The following LMO7 variants were observed in gnomAD, a reference collection of about 807,000 sequenced individuals.
The protein encoded by LMO7 is LIM domain 7.
A neutral mutation model predicts 206.5 loss-of-function variants in LMO7; 120 were observed. The ratio of observed to expected loss-of-function variants is 0.58; its 90% CI spans 0.50 to 0.68. The LOEUF (loss-of-function observed/expected upper bound fraction) is 0.68, where lower values mean the gene tolerates loss of function less well. Among genes scored for constraint, LMO7 ranks in the 30% least tolerant of loss-of-function variants. LMO7 has a pLI of 0.00. For synonymous variants in LMO7, 706 were observed against 681.5 expected (o/e 1.04, Z -0.56); for missense variants, 1,959 against 1,957.9 (o/e 1.00, Z -0.01).
chr13:75,751,925 A>T (rs1168961001), intron 3 of LMO7, among the ~76,000 whole-genome samples: 1 of 152,046 alleles, frequency 6.6e-6, no homozygotes, highest in African/African-American at 2.4e-5. Flanking sequence ...TATCAAATAT[A>T]TATTTTTTGA....
At chr13:75,700,583 G>A (rs2042221314) in intron 1 of LMO7, among the ~76,000 whole-genome samples, 1 of 152,226 alleles carries the variant, frequency 6.6e-6, no homozygotes, top group Non-Finnish European at 1.5e-5. Flanking sequence ...GTACTTGATA[G>A]CTTCTCTTTG....
chr13:75,729,417 G>C (rs1325181676), intron 3 of LMO7, among the ~76,000 whole-genome samples: 2 of 147,816 alleles, frequency 1.4e-5, no homozygotes, highest in South Asian at 2.2e-4. Context: ...CTCATGATTT[G>C]GCTCTCTGTT....
intron 2 of LMO7, chr13:75,627,338 G>A (rs2034331836): frequency 6.6e-6 from 1 of 152,172 alleles, no homozygotes; most frequent in Admixed American, 6.5e-5. Context: ...TGTGTTGTGA[G>A]GATGTTTAAG....
chr13:75,742,616 A>G (rs2046505353), intron 3 of LMO7, among the ~76,000 whole-genome samples: 1 of 152,008 alleles, frequency 6.6e-6, no homozygotes, highest in African/African-American at 2.4e-5. Flanking sequence ...AAAACAAACA[A>G]TGAGGAAAGG....
intron 1 of LMO7, among the ~76,000 whole-genome samples, chr13:75,695,458 T>A (rs1184975478): frequency 6.6e-6 from 1 of 152,256 alleles, no homozygotes; most frequent in Non-Finnish European, 1.5e-5. Flanking sequence ...GCGATTCTCC[T>A]GTCTCAGCCT....
At chr13:75,838,510 G>A in intron 20 of LMO7, 1 of 379,968 alleles carries the variant, frequency 2.6e-6, no homozygotes, top group Non-Finnish European at 4.4e-6. Flanking sequence ...GTTTCCACTG[G>A]GTAACAGTAA....
intron 1 of LMO7, among the ~76,000 whole-genome samples, chr13:75,710,844 G>A (rs2075062473): frequency 6.6e-6 from 1 of 151,896 alleles, no homozygotes; most frequent in African/African-American, 2.4e-5. Flanking sequence ...TGTTGAATAG[G>A]AGTGGTGAGA....
At chr13:75,654,876 C>CTCTCTTT (rs1555288249) in intron 1 of LMO7, among the ~76,000 whole-genome samples, 207 of 141,172 alleles carry the variant, frequency 1.5e-3, no homozygotes, top group African/African-American at 5.2e-3. Context: ...TCTCTTCTCT[C>CTCTCTTT]TTTTTTTTTT....
At chr13:75,644,869 C>T (rs1001600741) in intron 1 of LMO7, among the ~76,000 whole-genome samples, 1 of 152,160 alleles carries the variant, frequency 6.6e-6, no homozygotes, top group African/African-American at 2.4e-5. Context: ...TGGCTTCAAG[C>T]GATCCTCCCA....
intron 4 of LMO7, among the ~76,000 whole-genome samples, chr13:75,794,966 C>T (rs2053777693): frequency 6.6e-6 from 1 of 152,012 alleles, no homozygotes; most frequent in African/African-American, 2.4e-5. Flanking sequence ...TGCAAAAAAC[C>T]CCTCGCTTTT....
intron 3 of LMO7, among the ~76,000 whole-genome samples, chr13:75,730,498 G>A (rs537687063): frequency 1.3e-3 from 199 of 151,942 alleles, no homozygotes; most frequent in African/African-American, 3.2e-3. Flanking sequence ...TTTTTGTTGC[G>A]TCTATTTGAT....
Position 75,636,508 on chromosome 13 carries a change from G to T in LMO7, c.-150G>T. On this transcript the variant is annotated 5_prime_UTR_variant, in exon 1 of 31. Coordinates refer to ENST00000377534, the MANE Select transcript of LMO7 (RefSeq NM_001306080.2). ...AACGAACTGCAGAGCGCAACAAAGG[G>T]AACTAGAGCCCCGGCGCCTTCGCAG... The T allele has an allele frequency of 6.7e-7, 1 of 1,501,748 alleles. No homozygotes were observed. Among genetic ancestry groups the T allele is most frequent in the Non-Finnish European group, 8.8e-7 (1 of 1,134,270 alleles). The allele number at this position is 1,501,748 out of a possible 1,614,324, so 93.0% of individuals were successfully genotyped here.
chr13:75,635,126 C>G (rs1593938058), upstream of LMO7, among the ~76,000 whole-genome samples: 1 of 152,126 alleles, frequency 6.6e-6, no homozygotes, highest in East Asian at 1.9e-4. Context: ...AAAAGGCAAA[C>G]AGTTGTTAAA....
chr13:75,783,694 C>A (rs12430034), intron 4 of LMO7, among the ~76,000 whole-genome samples: 16,593 of 152,180 alleles, frequency 0.11, 1,330 homozygotes, highest in Admixed American at 0.24. Context: ...TCCAAGGTGG[C>A]AAGAATGTTG....
intron 1 of LMO7, among the ~76,000 whole-genome samples, chr13:75,665,972 T>G (rs2039041471): frequency 6.6e-6 from 1 of 152,230 alleles, no homozygotes; most frequent in South Asian, 2.1e-4. Context: ...TGAAAAGAAA[T>G]GTTAGAAGAT....
chr13:75,732,355 C>T (rs1287695998), intron 3 of LMO7, among the ~76,000 whole-genome samples: 1 of 121,212 alleles, frequency 8.3e-6, no homozygotes, highest in Non-Finnish European at 1.8e-5. Flanking sequence ...AACTTCCCTT[C>T]TTGCTTCATT....
chr13:75,808,590 GA>G (rs567060659), intron 10 of LMO7, among the ~76,000 whole-genome samples: 2 of 152,110 alleles, frequency 1.3e-5, no homozygotes, highest in Non-Finnish European at 2.9e-5. Context: ...TTGGGGGGGT[GA>G]AATTTTCCCT....
rs1286025364 is a variant in LMO7, at chr13:75,719,636, CG to C, written c.140+6385del. On this transcript the variant is annotated intron_variant, in intron 2 of 30. Coordinates refer to ENST00000377534, the MANE Select transcript of LMO7 (RefSeq NM_001306080.2). ...TGTCCTTCTCTGCCACGGTAGGACC[CG>C]CTTGCTTCCCCTTCACCTTCTGCCA... 3.3e-5 allele frequency among the ~76,000 whole-genome samples: 5 copies of C among 151,596 alleles called. No homozygotes were observed. The East Asian group carries it at 7.8e-4, about 24-fold the overall frequency.
At chr13:75,706,770 A>G (rs2042690903) in intron 1 of LMO7, among the ~76,000 whole-genome samples, 1 of 152,148 alleles carries the variant, frequency 6.6e-6, no homozygotes, top group South Asian at 2.1e-4. Context: ...TAAAATATCT[A>G]AATAGATTGA....
Sources: allele counts gnomAD v4.1 joint callset (sites outside exome capture counted in the v4.1 genomes callset), GRCh38; gene constraint gnomAD v4.1.1; transcripts MANE v1.5; gene names NCBI Gene and HGNC (gene_info 2026-07-23, HGNC 2026-07-21).